LRRK2: variants seen among roughly 807,000 people sequenced by gnomAD.
LRRK2 encodes leucine rich repeat kinase 2.
In LRRK2, 203 loss-of-function variants were observed where a neutral mutation model predicts 302.6. The observed-to-expected ratio is 0.67, with a 90% CI of 0.60 to 0.75. LRRK2 has a LOEUF of 0.75. Among genes scored for constraint, LRRK2 ranks in the 30% least tolerant of loss-of-function variants. The pLI, the probability that LRRK2 is intolerant of heterozygous loss-of-function variation, is 0.00. For missense variants in LRRK2, 2,830 were observed against 2,951.0 expected, an observed-to-expected ratio of 0.96 and a Z score of 0.95; for synonymous variants, 1,066 against 1,031.9, an observed-to-expected ratio of 1.03 and a Z score of -0.63.
intron 46 of LRRK2, 87 bp downstream of exon 46, chr12:40,356,274 C>T: frequency 1.1e-6 from 1 of 907,392 alleles, no homozygotes; most frequent in Non-Finnish European, 1.7e-6. Context: ...GGATTATAAA[C>T]TCCCTGAGAG....
intron 29 of LRRK2, 76 bp from the exon 30 acceptor site, chr12:40,309,030 C>T (rs1944936104): frequency 5.4e-6 from 8 of 1,474,704 alleles, no homozygotes; most frequent in Non-Finnish European, 7.5e-6. Context: ...TATTATTCTC[C>T]CAGATTTTTT....
In LRRK2 at chr12:40,310,774, A is replaced by G. The variant is rs1437974560; in HGVS notation, c.4536+125A>G. 3 of 874,806 alleles carry G rather than the reference A, an allele frequency of 3.4e-6. No individual in the cohort carries two copies. The East Asian group carries it at 7.6e-5, about 22-fold the overall frequency. The allele number at this position is 874,806 out of a possible 1,614,324, so 54.2% of individuals were successfully genotyped here. A position where few individuals can be genotyped will look rare whatever the true frequency, so the allele number is the denominator to read the frequency against. On this transcript the variant is annotated intron_variant, in intron 31 of 50. Transcript: ENST00000298910. ...GTTTTCTTTCCTTGTTGCTGTTAGC[A>G]TTATTAAAGTCCTTTCCATTTTAAA...
chr12:40,318,818 G>A (rs2114568), intron 33 of LRRK2, among the ~76,000 whole-genome samples: 86,143 of 151,866 alleles, frequency 0.57, 24,568 homozygotes, highest in South Asian at 0.7. Context: ...CTGTAAGAGC[G>A]ATCTGGAATT....
chr12:40,315,906 CT>C (rs1231922671), intron 33 of LRRK2, among the ~76,000 whole-genome samples: 5 of 151,986 alleles, frequency 3.3e-5, no homozygotes, highest in Admixed American at 6.6e-5. Context: ...GCAAAACATA[CT>C]ACCTCAGGGC....
In LRRK2 at chr12:40,367,803, T is replaced by C; in HGVS notation, c.*38T>C. The C allele has an allele frequency of 6.3e-7, 1 of 1,580,606 alleles. No homozygotes were observed. Among genetic ancestry groups the C allele is most frequent in the East Asian group, 2.3e-5 (1 of 43,894 alleles). The stretch of plus-strand genomic sequence containing the variant: ...AATTGTCTTTGGATAGGAAAATTAT[T>C]CTCTCCTCTTGTAAATATTTATTTT... On this transcript the variant is annotated 3_prime_UTR_variant, in exon 51 of 51. Transcript: ENST00000298910.
At chr12:40,353,085 G>T (rs1946411770) in intron 44 of LRRK2, among the ~76,000 whole-genome samples, 1 of 151,296 alleles carries the variant, frequency 6.6e-6, no homozygotes, top group Non-Finnish European at 1.5e-5. Context: ...GCCGGGCGGG[G>T]GCTGCCCCCC....
intron 43 of LRRK2, among the ~76,000 whole-genome samples, chr12:40,350,397 A>G (rs551034475): frequency 6.6e-6 from 1 of 152,320 alleles, no homozygotes; most frequent in South Asian, 2.1e-4. Context: ...ATAATTCCTT[A>G]TGGTGTCAGA....
rs201636831 is a variant in LRRK2, at chr12:40,308,485, A to G, written c.3978A>G (p.Leu1326=). The change falls in exon 29 of 51, where the codon TTA becomes TTG. Residue 1326 remains leucine, a synonymous_variant. Coordinates refer to ENST00000298910, the MANE Select transcript of LRRK2 (RefSeq NM_198578.4). The part of the protein sequence containing the change: ...KDIIRFLQQR[L]KKAVPYNRMK... ...ATACTAGGTTTCTTCAACAGCGATT[A>G]AAAAAGGCTGTGCCTTATAACCGAA... 1.9e-6 allele frequency: 3 copies of G among 1,612,840 alleles called. No individual in the cohort carries two copies. The highest frequency in any genetic ancestry group is 2.7e-5 in the African/African-American group (2 of 74,888).
intron 20 of LRRK2, 25 bp from the exon 21 acceptor site, chr12:40,293,520 T>G: frequency 7.0e-7 from 1 of 1,419,002 alleles, no homozygotes; most frequent in Non-Finnish European, 9.9e-7. Context: ...TTCACCTTCA[T>G]GTTATTTTAT....
At chr12:40,228,356 T>A (rs1013077236) in intron 2 of LRRK2, among the ~76,000 whole-genome samples, 3 of 151,898 alleles carry the variant, frequency 2.0e-5, no homozygotes, top group African/African-American at 7.3e-5. Context: ...GATTTTTTTT[T>A]CATGTACCTG....
chr12:40,228,590 C>T (rs181359351), intron 2 of LRRK2, among the ~76,000 whole-genome samples: 57 of 151,958 alleles, frequency 3.8e-4, no homozygotes, highest in African/African-American at 1.3e-3. Context: ...TGTGCAGAAG[C>T]TTTTTAGCTT....
At chr12:40,268,248 T>A (rs1486653552) in intron 14 of LRRK2, among the ~76,000 whole-genome samples, 1 of 152,224 alleles carries the variant, frequency 6.6e-6, no homozygotes, top group Non-Finnish European at 1.5e-5. Context: ...GTGACACTCC[T>A]GTTCTCTTCA....
At chr12:40,276,242 TAG>T (rs1369267800) in intron 16 of LRRK2, among the ~76,000 whole-genome samples, 1 of 152,186 alleles carries the variant, frequency 6.6e-6, no homozygotes, top group Non-Finnish European at 1.5e-5. Context: ...ATCTCTATAG[TAG>T]AGTTTATGAA....
intron 38 of LRRK2, 71 bp from the exon 39 acceptor site, chr12:40,328,289 C>G (rs1945611651): frequency 8.7e-7 from 1 of 1,145,520 alleles, no homozygotes; most frequent in East Asian, 2.4e-5. Context: ...ATAATTACAA[C>G]AGATATAATT....
chr12:40,327,608 C>T (rs768789261), intron 38 of LRRK2, among the ~76,000 whole-genome samples: 3 of 152,008 alleles, frequency 2.0e-5, no homozygotes, highest in African/African-American at 4.8e-5. Flanking sequence ...GTAGGCAACG[C>T]GGAATAATTT....
Position 40,295,431 on chromosome 12 carries a change from A to C in LRRK2, c.2883A>C (p.Ser961=), listed in dbSNP as rs199606289. 5.6e-6 allele frequency: 9 copies of C among 1,612,148 alleles called. No homozygotes were observed. In the East Asian group the frequency reaches 1.8e-4, roughly 32 times the overall value. ...KILSSDDSLR[S]SKLQSHMRHS... is the part of the protein sequence containing the mutation. ...TTTGTTTGTTTTTGACAAAAGGGTC[A>C]TCAAAACTTCAATCCCATATGAGGC... is the stretch of plus-strand genomic sequence containing the variant. Residue 961 remains serine, a synonymous_variant, in exon 23 of 51, where the codon TCA becomes TCC. Coordinates refer to ENST00000298910, the MANE Select transcript of LRRK2 (RefSeq NM_198578.4).
At chr12:40,294,484 C>T (rs74978589) in intron 21 of LRRK2, among the ~76,000 whole-genome samples, 1,881 of 152,056 alleles carry the variant, frequency 0.012, 15 homozygotes, top group Non-Finnish European at 0.019. Context: ...GTAGTTGAAT[C>T]GGTTAAATTA....
At chr12:40,266,639 A>G (rs1943027852) in intron 14 of LRRK2, among the ~76,000 whole-genome samples, 1 of 152,202 alleles carries the variant, frequency 6.6e-6, no homozygotes, top group Non-Finnish European at 1.5e-5. Flanking sequence ...TGACCCAGCC[A>G]TCCTGTTAGT....
intron 20 of LRRK2, among the ~76,000 whole-genome samples, chr12:40,291,121 C>T (rs1040552006): frequency 6.6e-6 from 1 of 151,888 alleles, no homozygotes; most frequent in Non-Finnish European, 1.5e-5. Context: ...GAGTTCATGT[C>T]CTTTGTAGGG....
Sources: gnomAD v4.1 joint callset for allele counts (sites outside exome capture counted in the v4.1 genomes callset) on GRCh38, gnomAD v4.1.1 for gene constraint, MANE v1.5 for transcripts, NCBI Gene and HGNC (gene_info 2026-07-23, HGNC 2026-07-21) for gene names.